Variants in ROBO1 observed in about 807,000 individuals in gnomAD.
The protein encoded by ROBO1 is roundabout guidance receptor 1, also known as roundabout homolog 1.
In ROBO1, 149 loss-of-function variants were observed where a neutral mutation model predicts 195.9. The ratio of observed to expected loss-of-function variants is 0.76; its 90% CI spans 0.67 to 0.87. The LOEUF is 0.87. Ranked by LOEUF, ROBO1 falls within the 40% of genes least tolerant of loss-of-function variation. ROBO1 has a pLI of 0.00. For missense variants in ROBO1, 1,933 were observed against 2,068.3 expected (o/e 0.93, Z 1.27); for synonymous variants, 816 against 733.2 (o/e 1.11, Z -1.82).
intron 4 of ROBO1, among the ~76,000 whole-genome samples, chr3:78,885,940 T>C (rs545375653): frequency 1.2e-3 from 166 of 140,796 alleles, no homozygotes; most frequent in African/African-American, 1.9e-3. Context: ...TATATATATA[T>C]ACATACATAT....
intron 2 of ROBO1, among the ~76,000 whole-genome samples, chr3:79,476,562 C>T (rs1051982495): frequency 3.3e-5 from 5 of 151,930 alleles, no homozygotes; most frequent in African/African-American, 1.2e-4. Flanking sequence ...TATATATATA[C>T]CATGGAATAC....
chr3:78,741,169 T>G (rs941786644), intron 5 of ROBO1, among the ~76,000 whole-genome samples: 6 of 152,160 alleles, frequency 3.9e-5, no homozygotes, highest in Non-Finnish European at 7.4e-5. Context: ...ATTAAATAAA[T>G]TTTATTTATA....
intron 4 of ROBO1, among the ~76,000 whole-genome samples, chr3:78,787,093 C>T (rs990344130): frequency 3.3e-5 from 5 of 152,132 alleles, no homozygotes; most frequent in Non-Finnish European, 7.4e-5. Context: ...GTTTTTGATT[C>T]AGTTACGCTA....
chr3:78,952,604 GAGT>G (rs1223812835), intron 3 of ROBO1, among the ~76,000 whole-genome samples: 1 of 151,818 alleles, frequency 6.6e-6, no homozygotes. Context: ...TCACTGTGCA[GAGT>G]AGATTTAAAT....
intron 1 of ROBO1, among the ~76,000 whole-genome samples, chr3:79,758,894 C>A (rs894496243): frequency 3.3e-5 from 5 of 152,046 alleles, no homozygotes; most frequent in African/African-American, 1.2e-4. Flanking sequence ...GTTCATTTTC[C>A]AAAATAATTT....
chr3:78,602,117 G>A (rs923479877), intron 29 of ROBO1, among the ~76,000 whole-genome samples: 2 of 151,822 alleles, frequency 1.3e-5, no homozygotes, highest in Non-Finnish European at 2.9e-5. Flanking sequence ...TGCCCAAATC[G>A]CATGTTGAAT....
intron 1 of ROBO1, among the ~76,000 whole-genome samples, chr3:79,700,463 G>A (rs1175914860): frequency 6.6e-6 from 1 of 151,652 alleles, no homozygotes; most frequent in Non-Finnish European, 1.5e-5. Flanking sequence ...GCTTTCCACA[G>A]TGGCTGAACT....
chr3:78,704,354 T>A (rs111845197), intron 8 of ROBO1, among the ~76,000 whole-genome samples: 1 of 152,116 alleles, frequency 6.6e-6, no homozygotes, highest in South Asian at 2.1e-4. Context: ...AAAAATCCTA[T>A]GGATCTCACA....
Position 78,934,445 on chromosome 3 carries a change from T to C in ROBO1, c.499+4156A>G, listed in dbSNP as rs199578402. On this transcript the variant is annotated intron_variant, in intron 4 of 30. Coordinates refer to ENST00000464233, the MANE Select transcript of ROBO1 (RefSeq NM_002941.4). ...TCAAAGCATTTTTAAATGGTACTTT[T>C]TTTAAAAGACAAAAGTAAAGGAAAC... Among the ~76,000 whole-genome samples, 4 of 152,114 alleles carry C rather than the reference T, an allele frequency of 2.6e-5. No individual in the cohort carries two copies. In the East Asian group the frequency reaches 7.7e-4, roughly 29 times the overall value.
intron 3 of ROBO1, among the ~76,000 whole-genome samples, chr3:79,054,265 G>A (rs568972250): frequency 2.0e-5 from 3 of 152,196 alleles, no homozygotes; most frequent in Admixed American, 1.3e-4. Flanking sequence ...GATAAATTAC[G>A]TGCCCCAGGC....
At chr3:79,008,400 G>A (rs1313395986) in intron 3 of ROBO1, among the ~76,000 whole-genome samples, 1 of 151,832 alleles carries the variant, frequency 6.6e-6, no homozygotes, top group East Asian at 1.9e-4. Flanking sequence ...GTTTACTGGG[G>A]AATAAATAAT....
In ROBO1 at chr3:79,426,497, T is replaced by C. The variant is rs561708098; in HGVS notation, c.88+163327A>G. On this transcript the variant is annotated intron_variant, in intron 2 of 30. Transcript: ENST00000464233. ...GCCATTCCCCACCTCAGCCTCCCAA[T>C]TAGCTGGGATTACAGGCACCCACCA... Among the ~76,000 whole-genome samples, 624 of 152,004 alleles carry C rather than the reference T, an allele frequency of 4.1e-3. 5 individuals carry two copies. Among genetic ancestry groups the C allele is most frequent in the Middle Eastern group, 0.024 (7 of 294 alleles).
intron 2 of ROBO1, among the ~76,000 whole-genome samples, chr3:79,566,293 CA>C (rs1468257846): frequency 6.6e-6 from 1 of 152,082 alleles, no homozygotes; most frequent in Non-Finnish European, 1.5e-5. Flanking sequence ...GTGTGTCTCA[CA>C]GCGGATATTA....
rs538623397 is a variant in ROBO1, at chr3:79,762,662, G to T, written c.-51+5090C>A. Among the ~76,000 whole-genome samples, 6 of 146,304 alleles carry T rather than the reference G, an allele frequency of 4.1e-5. No individual in the cohort carries two copies. In the South Asian group the frequency reaches 1.3e-3, roughly 32 times the overall value. On this transcript the variant is annotated intron_variant, in intron 1 of 30. Coordinates refer to ENST00000464233, the MANE Select transcript of ROBO1 (RefSeq NM_002941.4). ...CCGAGAGGAATGAAACATCCTGAGT[G>T]TTTAAGAAAATGCAAGTAAATTTTC...
At chr3:79,410,166 T>C (rs1212133476) in intron 2 of ROBO1, among the ~76,000 whole-genome samples, 2 of 152,188 alleles carry the variant, frequency 1.3e-5, no homozygotes, top group Non-Finnish European at 2.9e-5. Flanking sequence ...TTTTAGCATA[T>C]CAGTTTCCTC....
chr3:79,546,453 GA>G (rs1183899763), intron 2 of ROBO1, among the ~76,000 whole-genome samples: 2 of 152,052 alleles, frequency 1.3e-5, no homozygotes, highest in African/African-American at 4.8e-5. Flanking sequence ...ATAAGAGCTG[GA>G]ACGTTAAAAA....
chr3:79,006,781 C>A (rs11127638), intron 3 of ROBO1, among the ~76,000 whole-genome samples: 143,801 of 145,670 alleles, frequency 0.99, 70,988 homozygotes, highest in Non-Finnish European at 0.99. Context: ...AAAAAACAGA[C>A]TCTCATAAGT....
chr3:79,014,651 T>C (rs909886744), intron 3 of ROBO1, among the ~76,000 whole-genome samples: 1 of 152,190 alleles, frequency 6.6e-6, no homozygotes, highest in Non-Finnish European at 1.5e-5. Context: ...TTTTTATTTC[T>C]TTATGTTTCT....
At chr3:79,582,638 TA>T (rs1943696899) in intron 2 of ROBO1, among the ~76,000 whole-genome samples, 1 of 152,044 alleles carries the variant, frequency 6.6e-6, no homozygotes, top group Non-Finnish European at 1.5e-5. Context: ...TCTTCTAAAA[TA>T]TAATCTTATT....
Sources: allele counts gnomAD v4.1 joint callset (sites outside exome capture counted in the v4.1 genomes callset), GRCh38; gene constraint gnomAD v4.1.1; transcripts MANE v1.5; gene names NCBI Gene and HGNC (gene_info 2026-07-23, HGNC 2026-07-21).